DIPK1A: variants seen among roughly 807,000 people sequenced by gnomAD.
DIPK1A encodes the protein divergent protein kinase domain 1A, also known as family with sequence similarity 69 member A.
In DIPK1A, 27 loss-of-function variants were observed where a neutral mutation model predicts 40.8. That is an observed-to-expected ratio of 0.66 (90% CI 0.49 to 0.91). DIPK1A has a LOEUF of 0.91. DIPK1A is among the 40% of genes least tolerant of loss of function. The pLI is 0.00. For missense variants in DIPK1A, 412 were observed against 505.7 expected, an observed-to-expected ratio of 0.81 and a Z score of 1.78; for synonymous variants, 166 against 171.3, an observed-to-expected ratio of 0.97 and a Z score of 0.24.
intron 1 of DIPK1A, among the ~76,000 whole-genome samples, chr1:92,921,047 A>C (rs1037945944): frequency 2.0e-5 from 3 of 152,190 alleles, no homozygotes; most frequent in Non-Finnish European, 4.4e-5. Context: ...AACTTGAGCT[A>C]TCCCTGGGAC....
intron 2 of DIPK1A, among the ~76,000 whole-genome samples, chr1:92,859,418 A>T (rs531406028): frequency 1.3e-5 from 2 of 152,150 alleles, no homozygotes; most frequent in South Asian, 4.2e-4. Flanking sequence ...CCCTGCCCGC[A>T]ACACACACAT....
intron 1 of DIPK1A, chr1:92,931,914 C>A: frequency 4.6e-6 from 1 of 216,744 alleles, no homozygotes; most frequent in South Asian, 6.6e-5. Flanking sequence ...TTGAAAAATG[C>A]AAATAATGTG....
At position 92,961,364 on chromosome 1, in the gene DIPK1A, C is replaced by A; in HGVS notation, c.54+12G>T. The A allele has an allele frequency of 6.6e-7, 1 of 1,505,366 alleles. No individual in the cohort carries two copies. Among genetic ancestry groups the A allele is most frequent in the Middle Eastern group, 1.9e-4 (1 of 5,228 alleles). 93.3% of individuals were successfully genotyped at this position (1,505,366 alleles called of 1,614,324 possible). ...GCTCCCGCAGCTGGTGGCTGGGCGG[C>A]CGCCGGCCTACCTGGAGGTAATAGG... On this transcript the variant is annotated intron_variant, in intron 1 of 4. Coordinates refer to ENST00000370310, the MANE Select transcript of DIPK1A (RefSeq NM_001006605.5).
chr1:92,956,291 C>T (rs1651852961), intron 1 of DIPK1A, among the ~76,000 whole-genome samples: 1 of 152,124 alleles, frequency 6.6e-6, no homozygotes, highest in Non-Finnish European at 1.5e-5. Context: ...TGCAATCTGC[C>T]TGAGAATTCA....
rs542432002 is a variant in DIPK1A at position 92,844,255 on chromosome 1, T to C, written c.475-60A>G. 387 of 1,052,288 alleles carry C rather than the reference T, an allele frequency of 3.7e-4. 2 individuals carry two copies. In the South Asian group the frequency reaches 5.8e-3, roughly 16 times the overall value. 65.2% of individuals were successfully genotyped at this position (1,052,288 alleles called of 1,614,324 possible). The stretch of plus-strand genomic sequence containing the variant: ...GAAAAATACCTCCCATGCAACATAC[T>C]AAGTTTCTTTACGGGCATTATTAAC... On this transcript the variant is annotated intron_variant, in intron 4 of 4. Transcript: ENST00000370310.
chr1:92,938,907 A>G (rs1331439065), intron 1 of DIPK1A, among the ~76,000 whole-genome samples: 3 of 152,126 alleles, frequency 2.0e-5, no homozygotes, highest in Non-Finnish European at 4.4e-5. Context: ...TTCTACTTTT[A>G]TCATTTATTT....
chr1:92,915,888 TA>T (rs1016071605), intron 1 of DIPK1A, among the ~76,000 whole-genome samples: 4 of 151,872 alleles, frequency 2.6e-5, no homozygotes, highest in Admixed American at 1.3e-4. Flanking sequence ...ATCAAGTAGA[TA>T]AAAAAAATAA....
intron 2 of DIPK1A, among the ~76,000 whole-genome samples, chr1:92,858,480 C>T (rs899499593): frequency 1.3e-5 from 2 of 152,134 alleles, no homozygotes; most frequent in African/African-American, 4.8e-5. Flanking sequence ...TTTAAGTGTT[C>T]CGTAAATGTT....
Position 92,843,574 on chromosome 1 carries a change from C to G in DIPK1A, c.1096G>C (p.Ala366Pro). ...AGGTAGTCTTTGAGTAACTGACAAG[C>G]TTTTGCCAAGTTTGGTTGTATCACT... ...SEVIQPNLAK[A>P]CQLLKDYLLR... is the part of the protein sequence containing the mutation. The change falls in exon 5 of 5, where the codon GCT becomes CCT. Residue 366 changes from alanine (A) to proline (P), a missense_variant. Coordinates refer to ENST00000370310, the MANE Select transcript of DIPK1A (RefSeq NM_001006605.5). 1 of 1,552,046 alleles carries G rather than the reference C, an allele frequency of 6.4e-7. No homozygotes were observed. The highest frequency in any genetic ancestry group is 8.7e-7 in the Non-Finnish European group (1 of 1,147,076).
intron 1 of DIPK1A, among the ~76,000 whole-genome samples, chr1:92,924,325 TCTC>T (rs1241520489): frequency 6.6e-6 from 1 of 152,056 alleles, no homozygotes; most frequent in Non-Finnish European, 1.5e-5. Flanking sequence ...TTTTTTTACT[TCTC>T]CTTGCCTTAT....
intron 2 of DIPK1A, among the ~76,000 whole-genome samples, chr1:92,858,169 T>C (rs1364310588): frequency 6.6e-6 from 1 of 152,228 alleles, no homozygotes; most frequent in African/African-American, 2.4e-5. Flanking sequence ...AAGAGTGATA[T>C]CCTTCCACTG....
chr1:92,886,129 T>G (rs1424767760), intron 1 of DIPK1A, among the ~76,000 whole-genome samples: 1 of 152,018 alleles, frequency 6.6e-6, no homozygotes, highest in Non-Finnish European at 1.5e-5. Flanking sequence ...GTCCAGGAGT[T>G]CGAGACCAGC....
chr1:92,911,847 A>C (rs1319282393), intron 1 of DIPK1A, among the ~76,000 whole-genome samples: 1 of 151,524 alleles, frequency 6.6e-6, no homozygotes, highest in East Asian at 1.9e-4. Context: ...CTAAAAATAC[A>C]CAAAAAATTA....
At chr1:92,902,300 C>T (rs1254762855) in intron 1 of DIPK1A, among the ~76,000 whole-genome samples, 2 of 152,198 alleles carry the variant, frequency 1.3e-5, no homozygotes, top group Non-Finnish European at 2.9e-5. Flanking sequence ...AGTAGCTCCA[C>T]CTCCACTTGT....
Position 92,961,425 on chromosome 1 carries a change from GC to G in DIPK1A, c.4del (p.Ala2ArgfsTer10). On this transcript the variant is annotated frameshift_variant, in exon 1 of 5. Transcript: ENST00000370310. LOFTEE classifies it high-confidence loss of function. ...CCAGGCCCCCGGACAGAGACTCCTC[GC>G]CATGGTAATCACACATCGCCCCGCC... M[A>X]RSLCPGAWLR... 2 of 1,517,310 alleles carry G rather than the reference GC, an allele frequency of 1.3e-6. No individual in the cohort carries two copies. The highest frequency in any genetic ancestry group is 5.8e-5 in the East Asian group (2 of 34,740). 94.0% of individuals were successfully genotyped at this position (1,517,310 alleles called of 1,614,324 possible). A position where few individuals can be genotyped will look rare whatever the true frequency, so the allele number is the denominator to read the frequency against.
At chr1:92,913,095 A>G (rs1016497886) in intron 1 of DIPK1A, among the ~76,000 whole-genome samples, 4 of 152,088 alleles carry the variant, frequency 2.6e-5, no homozygotes. Flanking sequence ...AAAAGAGAGA[A>G]AAAAAAAGAT....
intron 1 of DIPK1A, among the ~76,000 whole-genome samples, chr1:92,889,108 T>A (rs1039841374): frequency 3.3e-5 from 5 of 152,218 alleles, no homozygotes; most frequent in African/African-American, 1.2e-4. Flanking sequence ...GTGTTTCCCC[T>A]AGGCTTTTTA....
intron 1 of DIPK1A, among the ~76,000 whole-genome samples, chr1:92,897,938 A>T (rs1649246892): frequency 6.6e-6 from 1 of 152,244 alleles, no homozygotes; most frequent in Admixed American, 6.5e-5. Context: ...ATCTCTACTA[A>T]AAATACAAAA....
At chr1:92,854,544 C>T (rs1182048443) in intron 2 of DIPK1A, among the ~76,000 whole-genome samples, 1 of 152,200 alleles carries the variant, frequency 6.6e-6, no homozygotes, top group Non-Finnish European at 1.5e-5. Flanking sequence ...AAGAGCCCTG[C>T]CCATGTGCAG....
Sources: allele counts gnomAD v4.1 joint callset (sites outside exome capture counted in the v4.1 genomes callset), GRCh38; gene constraint gnomAD v4.1.1; transcripts MANE v1.5; gene names NCBI Gene and HGNC (gene_info 2026-07-23, HGNC 2026-07-21).